Variants in STK32B observed in about 807,000 individuals in gnomAD.
The protein encoded by STK32B is serine/threonine kinase 32B, also known as serine/threonine-protein kinase 32B.
A neutral mutation model predicts 52.6 loss-of-function variants in STK32B; 43 were observed. That is an observed-to-expected ratio of 0.82 (90% CI 0.64 to 1.05). The LOEUF (loss-of-function observed/expected upper bound fraction) is 1.05. STK32B is among the 50% of genes least tolerant of loss of function. STK32B has a pLI of 0.00. For synonymous variants in STK32B, 238 were observed against 204.3 expected, an observed-to-expected ratio of 1.17 and a Z score of -1.41; for missense variants, 621 against 534.6, an observed-to-expected ratio of 1.16 and a Z score of -1.59.
rs563207390 is a variant in STK32B at position 5,148,676 on chromosome 4, C to A, written c.108+8716C>A. Among the ~76,000 whole-genome samples the A allele has an allele frequency of 2.0e-5, 3 of 151,866 alleles. No individual in the cohort carries two copies. In the South Asian group the frequency reaches 6.2e-4, roughly 32 times the overall value. The stretch of plus-strand genomic sequence containing the variant: ...GATCTACCTTAGTAAACACAGTATA[C>A]CCACTTGAAAAGGATGTGTATTTAA... On this transcript the variant is annotated intron_variant, in intron 2 of 11. Coordinates refer to ENST00000282908, the MANE Select transcript of STK32B (RefSeq NM_018401.3).
chr4:5,279,388 C>A lies in STK32B; in HGVS notation c.261-51832C>A, dbSNP rs576651888. ...AGCTCCAAAATAATCTTCCTCGACT[C>A]CATGATTCACATCCAGGCCACACTG... On this transcript the variant is annotated intron_variant, in intron 3 of 11. Coordinates refer to ENST00000282908, the MANE Select transcript of STK32B (RefSeq NM_018401.3). Among the ~76,000 whole-genome samples, 4 of 152,256 alleles carry A rather than the reference C, an allele frequency of 2.6e-5. No individual in the cohort carries two copies. In the East Asian group the frequency reaches 7.7e-4, roughly 29 times the overall value.
intron 4 of STK32B, among the ~76,000 whole-genome samples, chr4:5,384,493 C>G (rs1251209076): frequency 6.6e-6 from 1 of 152,014 alleles, no homozygotes; most frequent in Non-Finnish European, 1.5e-5. Context: ...TGGGGCAGGT[C>G]AAAGAACCCA....
In STK32B at chr4:5,187,452, C is replaced by T. The variant is rs1374012056; in HGVS notation, c.260+19002C>T. 6.6e-5 allele frequency among the ~76,000 whole-genome samples: 10 copies of T among 152,186 alleles called. No homozygotes were observed. The South Asian group carries it at 2.1e-3, about 31-fold the overall frequency. ...CATCGTGCAAGGTGGATGTTACTGT[C>T]TCGTTTACAGCTGGAAAAGCTGAAG... On this transcript the variant is annotated intron_variant, in intron 3 of 11. Transcript: ENST00000282908.
chr4:5,438,062 G>T lies in STK32B; in HGVS notation c.563-8611G>T, dbSNP rs1311728277. ...ACCCTGAGTTCTGAATGGACTTGGG[G>T]CTGCCAGGCATGACAAGGTTTGATG... On this transcript the variant is annotated intron_variant, in intron 6 of 11. Coordinates refer to ENST00000282908, the MANE Select transcript of STK32B (RefSeq NM_018401.3). 12 of 985,454 alleles carry T rather than the reference G, an allele frequency of 1.2e-5. No homozygotes were observed. In the South Asian group the frequency reaches 4.7e-4, roughly 39 times the overall value. The allele number at this position is 985,454 out of a possible 1,614,324, so 61.0% of individuals were successfully genotyped here. A position where few individuals can be genotyped will look rare whatever the true frequency, so the allele number is the denominator to read the frequency against.
chr4:5,019,823 G>A, the STK32B span, among the ~76,000 whole-genome samples: 1 of 152,174 alleles, frequency 6.6e-6, no homozygotes, highest in Non-Finnish European at 1.5e-5. Context: ...AGAGGAGTGG[G>A]CAGTCAGGCC....
At chr4:5,239,942 G>A (rs944398046) in intron 3 of STK32B, among the ~76,000 whole-genome samples, 10 of 151,818 alleles carry the variant, frequency 6.6e-5, no homozygotes, top group Non-Finnish European at 1.3e-4. Context: ...TGCATCCTCC[G>A]CAAGGTTAAC....
chr4:5,165,333 G>T (rs927955779), intron 2 of STK32B, among the ~76,000 whole-genome samples: 9 of 152,138 alleles, frequency 5.9e-5, no homozygotes, highest in African/African-American at 2.2e-4. Flanking sequence ...TTGAAATCAT[G>T]AGTTCTCCTT....
intron 3 of STK32B, among the ~76,000 whole-genome samples, chr4:5,248,007 CTTACCACTCT>C (rs1172387438): frequency 6.6e-6 from 1 of 152,158 alleles, no homozygotes; most frequent in Non-Finnish European, 1.5e-5. Flanking sequence ...TTAGCTTCAG[CTTACCACTCT>C]TATTTTCAAC....
intron 11 of STK32B, among the ~76,000 whole-genome samples, chr4:5,491,334 G>A (rs1245276315): frequency 2.0e-5 from 3 of 152,266 alleles, no homozygotes; most frequent in Non-Finnish European, 2.9e-5. Flanking sequence ...GCCAGTGATG[G>A]TGAGCATTTT....
intron 1 of STK32B, among the ~76,000 whole-genome samples, chr4:5,078,761 C>T (rs1280360881): frequency 1.3e-5 from 2 of 152,168 alleles, no homozygotes; most frequent in African/African-American, 2.4e-5. Context: ...CTTCTCTCCC[C>T]TGCCCACCTT....
chr4:5,141,811 C>T (rs6446326), intron 2 of STK32B, among the ~76,000 whole-genome samples: 111,781 of 151,958 alleles, frequency 0.74, 41,619 homozygotes, highest in African/African-American at 0.85. Context: ...ACACTTTTCA[C>T]CCACCCCCTC....
At chr4:5,059,077 TTTTTG>T (rs1742120560) in intron 1 of STK32B, among the ~76,000 whole-genome samples, 1 of 128,664 alleles carries the variant, frequency 7.8e-6, no homozygotes, top group African/African-American at 2.7e-5. Flanking sequence ...TTTTTTTTTT[TTTTTG>T]TAGAGCTGAG....
At chr4:5,287,757 G>A (rs1728647388) in intron 3 of STK32B, among the ~76,000 whole-genome samples, 1 of 151,962 alleles carries the variant, frequency 6.6e-6, no homozygotes, top group Non-Finnish European at 1.5e-5. Context: ...GGAGGTAAAA[G>A]TTTTATTGAG....
At chr4:5,446,603 C>T (rs543106128) in intron 6 of STK32B, 70 bp from the exon 7 acceptor site, 3 of 1,269,152 alleles carry the variant, frequency 2.4e-6, no homozygotes, top group East Asian at 4.8e-5. Context: ...CTCTCCTTGT[C>T]CCCTCTCTAA....
intron 3 of STK32B, among the ~76,000 whole-genome samples, chr4:5,190,442 C>T (rs892052546): frequency 9.9e-5 from 15 of 152,092 alleles, no homozygotes; most frequent in African/African-American, 4.8e-5. Context: ...GAGTGGGCCA[C>T]GTGCTTGACT....
chr4:5,159,805 A>G (rs1369707252), intron 2 of STK32B, among the ~76,000 whole-genome samples: 1 of 148,734 alleles, frequency 6.7e-6, no homozygotes, highest in Non-Finnish European at 1.5e-5. Context: ...ATATGAATAT[A>G]TATATGTTAT....
chr4:5,489,621 A>ATTTTTTTTTT (rs1193462359), intron 11 of STK32B, among the ~76,000 whole-genome samples: 1 of 151,586 alleles, frequency 6.6e-6, no homozygotes, highest in East Asian at 2.0e-4. Flanking sequence ...TATTTTATTT[A>ATTTTTTTTTT]TTTTTTATTA....
intron 3 of STK32B, among the ~76,000 whole-genome samples, chr4:5,209,390 T>G (rs1422577349): frequency 6.6e-6 from 1 of 151,868 alleles, no homozygotes; most frequent in African/African-American, 2.4e-5. Flanking sequence ...CCTGGCTAAT[T>G]TTTTTGTATT....
At chr4:5,233,067 T>G (rs1191619010) in intron 3 of STK32B, among the ~76,000 whole-genome samples, 1 of 152,184 alleles carries the variant, frequency 6.6e-6, no homozygotes, top group Admixed American at 6.5e-5. Context: ...ATAGTCCCTT[T>G]GCTAAAATAA....
Sources: allele counts gnomAD v4.1 joint callset (sites outside exome capture counted in the v4.1 genomes callset), GRCh38; gene constraint gnomAD v4.1.1; transcripts MANE v1.5; gene names NCBI Gene and HGNC (gene_info 2026-07-23, HGNC 2026-07-21).